The following WDR64 variants were observed in gnomAD, a reference collection of about 807,000 sequenced individuals.
The protein encoded by WDR64 is WD repeat domain 64.
In WDR64, 112 loss-of-function variants were observed where a neutral mutation model predicts 139.3. The ratio of observed to expected loss-of-function variants is 0.80; its 90% CI spans 0.69 to 0.94. The LOEUF (loss-of-function observed/expected upper bound fraction) is 0.94, where lower values mean the gene tolerates loss of function less well. Among genes scored for constraint, WDR64 ranks in the 40% least tolerant of loss-of-function variants. The pLI is 0.00. For missense variants in WDR64, 1,206 were observed against 1,293.1 expected (o/e 0.93, Z 1.03); for synonymous variants, 444 against 437.7 (o/e 1.01, Z -0.18).
chr1:241,697,254 T>C (rs1418206842), intron 8 of WDR64, among the ~76,000 whole-genome samples: 1 of 152,226 alleles, frequency 6.6e-6, no homozygotes. Flanking sequence ...CCTGTCCTCC[T>C]ACATGATGAA....
In WDR64 at chr1:241,772,839, A is replaced by G; in HGVS notation, c.2338A>G (p.Lys780Glu). ...MVGKQQPMDK[K>E]HPGIANLPEA... ...GGGAAAGCAACAGCCAATGGACAAA[A>G]AACACCCTGGAATTGCCAATTTACC... Residue 780 changes from lysine to glutamate, a missense_variant, in exon 20 of 28, where the codon AAA becomes GAA. Physicochemically the swap from Lys to Glu is moderately conservative, Grantham distance 56. Transcript: ENST00000437684. The G allele has an allele frequency of 6.4e-7, 1 of 1,552,080 alleles. No homozygotes were observed. The highest frequency in any genetic ancestry group is 2.4e-5 in the East Asian group (1 of 40,916).
chr1:241,779,976 A>C, intron 21 of WDR64, 28 bp from the exon 22 acceptor site: 2 of 1,550,296 alleles, frequency 1.3e-6, no homozygotes, highest in Non-Finnish European at 1.7e-6. Flanking sequence ...TATCTAATTA[A>C]AGATTCCAAT....
At chr1:241,774,597 A>G (rs1439407154) in intron 20 of WDR64, among the ~76,000 whole-genome samples, 2 of 152,194 alleles carry the variant, frequency 1.3e-5, no homozygotes, top group East Asian at 3.8e-4. Flanking sequence ...ATCTCTTAAC[A>G]ATTCTTTGTC....
chr1:241,652,354 A>T lies in WDR64; in HGVS notation c.-131A>T. ...ACTCCTACCCGCACTATGGGATTTT[A>T]AGATCAAAGGAATTAGACCTAGGGC... On this transcript the variant is annotated 5_prime_UTR_variant, in exon 1 of 28. It removes the in-frame stop codon of an upstream open reading frame in the 5' UTR. Coordinates refer to ENST00000437684, the MANE Select transcript of WDR64 (RefSeq NM_001367482.1). 1.1e-6 allele frequency: 1 copy of T among 906,870 alleles called. No homozygotes were observed. Among genetic ancestry groups the T allele is most frequent in the Non-Finnish European group, 1.6e-6 (1 of 614,636 alleles). The allele number at this position is 906,870 out of a possible 1,614,324, so 56.2% of individuals were successfully genotyped here.
chr1:241,775,064 C>G (rs886535359), intron 20 of WDR64, 41 bp from the exon 21 acceptor site: 1 of 1,454,722 alleles, frequency 6.9e-7, no homozygotes, highest in Non-Finnish European at 9.4e-7. Context: ...ATAAGACTTA[C>G]TAGCAAAGAA....
At chr1:241,788,458 C>T (rs1423778080) in intron 24 of WDR64, among the ~76,000 whole-genome samples, 1 of 152,178 alleles carries the variant, frequency 6.6e-6, no homozygotes, top group Non-Finnish European at 1.5e-5. Context: ...TGCAGCTCAA[C>T]CCTAGATGGT....
intron 13 of WDR64, 52 bp from the exon 14 acceptor site, chr1:241,749,495 A>G: frequency 1.9e-6 from 3 of 1,574,690 alleles, no homozygotes; most frequent in South Asian, 1.2e-5. Flanking sequence ...CGAAAAGCCA[A>G]GCTTTCTCTA....
At chr1:241,718,505 A>G (rs958335856) in intron 9 of WDR64, among the ~76,000 whole-genome samples, 3 of 152,154 alleles carry the variant, frequency 2.0e-5, no homozygotes, top group African/African-American at 7.2e-5. Context: ...GAGAAGGGGG[A>G]GCATAGATTT....
chr1:241,707,200 A>G (rs1335931939), intron 8 of WDR64, among the ~76,000 whole-genome samples: 1 of 152,162 alleles, frequency 6.6e-6, no homozygotes, highest in African/African-American at 2.4e-5. Flanking sequence ...TGATGTATCT[A>G]TCCCCTAGGG....
At chr1:241,710,948 T>C (rs115959800) in intron 8 of WDR64, among the ~76,000 whole-genome samples, 2,034 of 152,236 alleles carry the variant, frequency 0.013, 49 homozygotes, top group African/African-American at 0.047. Context: ...TGGGCAATAG[T>C]GGAAGCAGGC....
At chr1:241,720,009 C>T (rs1466335983) in intron 9 of WDR64, among the ~76,000 whole-genome samples, 1 of 152,080 alleles carries the variant, frequency 6.6e-6, no homozygotes, top group African/African-American at 2.4e-5. Context: ...TCCATGTGTC[C>T]ATTCTCAAGG....
Position 241,679,569 on chromosome 1 carries a change from G to C in WDR64, c.598G>C (p.Asp200His), listed in dbSNP as rs1049124894. The stretch of plus-strand genomic sequence containing the variant: ...AACCGAAAGGACCATTATTGTCTGG[G>C]ATTATAAAGCTCAAGGGAGCAGCCA... ...ATTERTIIVW[D>H]YKAQGSSQEN... Residue 200 changes from aspartate (D) to histidine (H), a missense_variant, in exon 6 of 28, where the codon GAT becomes CAT. Coordinates refer to ENST00000437684, the MANE Select transcript of WDR64 (RefSeq NM_001367482.1). 3.9e-6 allele frequency: 6 copies of C among 1,551,640 alleles called. No homozygotes were observed. The African/African-American group carries it at 5.5e-5, about 14-fold the overall frequency.
chr1:241,738,439 T>G lies in WDR64; in HGVS notation c.1271T>G (p.Met424Arg). The change falls in exon 11 of 28, where the codon ATG (methionine) becomes AGG (arginine). Residue 424 changes from methionine to arginine, a missense_variant. Coordinates refer to ENST00000437684, the MANE Select transcript of WDR64 (RefSeq NM_001367482.1). Reference protein sequence around the residue: ...FHDSQGGPGDMQIYSMIYDAN... With the variant: ...FHDSQGGPGDRQIYSMIYDAN... ...GACAGCCAGGGAGGACCAGGAGACA[T>G]GCAGATTTACTCTATGATATATGAT... is the stretch of plus-strand genomic sequence containing the variant. The G allele has an allele frequency of 6.2e-7, 1 of 1,613,924 alleles. No homozygotes were observed. Among genetic ancestry groups the G allele is most frequent in the Non-Finnish European group, 8.5e-7 (1 of 1,179,896 alleles).
At chr1:241,760,646 A>G (rs1670393165) in intron 15 of WDR64, among the ~76,000 whole-genome samples, 1 of 150,292 alleles carries the variant, frequency 6.7e-6, no homozygotes, top group Non-Finnish European at 1.5e-5. Flanking sequence ...CCAAGCATGT[A>G]TTAGCAAGAT....
chr1:241,771,513 A>T, intron 18 of WDR64, 148 bp from the exon 19 acceptor site: 1 of 477,454 alleles, frequency 2.1e-6, no homozygotes, highest in Non-Finnish European at 3.5e-6. Flanking sequence ...TCTCTGCAAT[A>T]CATTTTTTTC....
intron 8 of WDR64, among the ~76,000 whole-genome samples, chr1:241,697,190 C>T (rs1667526897): frequency 6.6e-6 from 1 of 152,174 alleles, no homozygotes; most frequent in Non-Finnish European, 1.5e-5. Context: ...CTTCCTGTCT[C>T]ATTTTCTCCA....
rs181123989 is a variant in WDR64 at position 241,787,866 on chromosome 1, A to G, written c.2723A>G (p.Asn908Ser). ...TCCCTCAGGCTCTGGCATGCCCTCAATGGACATTATTGTGGATATTTTGGA... is the reference window on the plus strand; with the variant it reads ...TCCCTCAGGCTCTGGCATGCCCTCAGTGGACATTATTGTGGATATTTTGGA... ...DGSVRLWHALNGHYCGYFGQR... is the reference protein window; with the variant it reads ...DGSVRLWHALSGHYCGYFGQR... Residue 908 changes from asparagine to serine, a missense_variant, in exon 24 of 28, where the codon AAT (asparagine) becomes AGT (serine). Coordinates refer to ENST00000437684, the MANE Select transcript of WDR64 (RefSeq NM_001367482.1). 3.3e-5 allele frequency: 53 copies of G among 1,593,132 alleles called. No individual in the cohort carries two copies. The East Asian group carries it at 7.5e-4, about 22-fold the overall frequency.
intron 9 of WDR64, among the ~76,000 whole-genome samples, 194 bp downstream of exon 9, chr1:241,712,075 G>C (rs113283394): frequency 0.011 from 1,610 of 152,282 alleles, 29 homozygotes; most frequent in African/African-American, 0.037. Context: ...GAGTGTGTGA[G>C]AGAAATTTTC....
At chr1:241,705,453 A>G (rs1667903966) in intron 8 of WDR64, among the ~76,000 whole-genome samples, 1 of 151,502 alleles carries the variant, frequency 6.6e-6, no homozygotes, top group South Asian at 2.1e-4. Flanking sequence ...GAGGCAGGAG[A>G]ATGGCGTGAA....
Sources: gnomAD v4.1 joint callset for allele counts (sites outside exome capture counted in the v4.1 genomes callset) on GRCh38, gnomAD v4.1.1 for gene constraint, MANE v1.5 for transcripts, NCBI Gene and HGNC (gene_info 2026-07-23, HGNC 2026-07-21) for gene names.